CRKL: variants seen among roughly 807,000 people sequenced by gnomAD.
The protein encoded by CRKL is CRK like proto-oncogene, adaptor protein, also known as crk-like protein.
In CRKL, 3 loss-of-function variants were observed where a neutral mutation model predicts 23.0. The observed-to-expected ratio is 0.13, with a 90% CI of 0.06 to 0.34. The LOEUF (loss-of-function observed/expected upper bound fraction) is 0.34. Ranked by LOEUF, CRKL falls within the 10% of genes least tolerant of loss-of-function variation. The probability of loss-of-function intolerance (pLI) is 1.00; values close to 1 mark genes in which losing one functional copy is unlikely to be tolerated. For missense variants in CRKL, 256 were observed against 394.5 expected (o/e 0.65, Z 2.97); for synonymous variants, 188 against 160.7 (o/e 1.17, Z -1.28).
chr22:20,934,761 A>G (rs1921586344), intron 2 of CRKL, among the ~76,000 whole-genome samples: 1 of 150,820 alleles, frequency 6.6e-6, no homozygotes, highest in South Asian at 2.1e-4. Context: ...GTTGAGAAAT[A>G]TGAAAATGTC....
chr22:20,941,355 G>C (rs1239031629), intron 2 of CRKL, among the ~76,000 whole-genome samples: 1 of 151,620 alleles, frequency 6.6e-6, no homozygotes, highest in Non-Finnish European at 1.5e-5. Context: ...TTCTGTCTTT[G>C]ACATTGTGTC....
At chr22:20,943,016 A>G (rs1443256745) in intron 2 of CRKL, among the ~76,000 whole-genome samples, 2 of 151,942 alleles carry the variant, frequency 1.3e-5, no homozygotes, top group Non-Finnish European at 2.9e-5. Flanking sequence ...CCAAAAAAAA[A>G]TTCTTCCACA....
chr22:20,921,898 C>T (rs1395584404), intron 1 of CRKL, among the ~76,000 whole-genome samples: 4 of 150,240 alleles, frequency 2.7e-5, no homozygotes, highest in Admixed American at 2.0e-4. Context: ...TTAGTGGAGA[C>T]GGGGTTTCAC....
intron 2 of CRKL, among the ~76,000 whole-genome samples, chr22:20,945,260 T>A (rs1922017902): frequency 6.6e-6 from 1 of 152,192 alleles, no homozygotes; most frequent in Non-Finnish European, 1.5e-5. Flanking sequence ...CCCAAAGTGC[T>A]GGGATTACAG....
intron 2 of CRKL, among the ~76,000 whole-genome samples, chr22:20,937,685 C>G (rs1168482930): frequency 6.6e-6 from 1 of 151,518 alleles, no homozygotes; most frequent in Non-Finnish European, 1.5e-5. Context: ...TCTCTGGCCC[C>G]AGAGAGAGGT....
At chr22:20,920,616 T>A (rs1213083804) in intron 1 of CRKL, among the ~76,000 whole-genome samples, 1 of 152,194 alleles carries the variant, frequency 6.6e-6, no homozygotes, top group African/African-American at 2.4e-5. Context: ...TGCATGCATC[T>A]TCTTAGAGAA....
intron 1 of CRKL, among the ~76,000 whole-genome samples, chr22:20,926,345 A>G (rs1174717325): frequency 6.6e-6 from 1 of 152,150 alleles, no homozygotes. Context: ...GTGGGGAAAG[A>G]TCTGAAGGAC....
intron 1 of CRKL, among the ~76,000 whole-genome samples, chr22:20,933,226 G>A (rs1242592931): frequency 3.3e-5 from 5 of 151,202 alleles, no homozygotes; most frequent in African/African-American, 1.2e-4. Context: ...AAAAATTAGC[G>A]GGGCGTGGTG....
At chr22:20,936,774 G>T (rs1051055614) in intron 2 of CRKL, among the ~76,000 whole-genome samples, 1 of 152,110 alleles carries the variant, frequency 6.6e-6, no homozygotes, top group Admixed American at 6.6e-5. Context: ...TTGAGGCTGT[G>T]GTGGGGGTCA....
rs990839609 is a variant in CRKL, at chr22:20,952,150, G to A, written c.*2305G>A. The stretch of plus-strand genomic sequence containing the variant: ...TGTGTGCCTTGTTCAAGGAGGGCAC[G>A]ACCCTTAGGCCTTTTTCAACCAGAT... On this transcript the variant is annotated 3_prime_UTR_variant, in exon 3 of 3. Transcript: ENST00000354336. The A allele has an allele frequency of 4.4e-6, 1 of 227,430 alleles. No individual in the cohort carries two copies. The highest frequency in any genetic ancestry group is 2.3e-5 in the African/African-American group (1 of 43,696). 14.1% of individuals were successfully genotyped at this position (227,430 alleles called of 1,614,324 possible).
In CRKL at chr22:20,952,466, C is replaced by G. The variant is rs868039291; in HGVS notation, c.*2621C>G. ...TCTGCACTCCAGATATGTGCCAAAA[C>G]TAGTAAAACTTAACGGACTTACAAC... On this transcript the variant is annotated 3_prime_UTR_variant, in exon 3 of 3. Transcript: ENST00000354336. 7.8e-5 allele frequency: 18 copies of G among 230,746 alleles called. 1 individual carries two copies. The highest frequency in any genetic ancestry group is 2.6e-4 in the African/African-American group (12 of 45,312). The allele number at this position is 230,746 out of a possible 1,614,324, so 14.3% of individuals were successfully genotyped here.
intron 1 of CRKL, among the ~76,000 whole-genome samples, chr22:20,933,294 TG>T (rs1921524212): frequency 6.6e-6 from 1 of 150,956 alleles, no homozygotes; most frequent in Non-Finnish European, 1.5e-5. Context: ...TGCTTGAACT[TG>T]GGATGCAGAG....
intron 2 of CRKL, among the ~76,000 whole-genome samples, chr22:20,939,397 C>T (rs1344423629): frequency 2.9e-5 from 3 of 103,836 alleles, no homozygotes; most frequent in African/African-American, 9.7e-5. Context: ...CCTGCCACCA[C>T]GCCCGGCTAA....
chr22:20,928,833 AAAAAGG>A (rs1428438936), intron 1 of CRKL, among the ~76,000 whole-genome samples: 15 of 148,702 alleles, frequency 1.0e-4, no homozygotes, highest in South Asian at 6.9e-4. Flanking sequence ...AAAAAAAAAA[AAAAAGG>A]AATATTACCA....
At chr22:20,927,127 A>AG in intron 1 of CRKL, among the ~76,000 whole-genome samples, 4 of 140,892 alleles carry the variant, frequency 2.8e-5, no homozygotes, top group African/African-American at 5.3e-5. Context: ...AAAAAAAAAA[A>AG]AAAAAAAAAG....
intron 2 of CRKL, among the ~76,000 whole-genome samples, chr22:20,944,660 C>T (rs1039944330): frequency 5.9e-5 from 9 of 152,184 alleles, no homozygotes; most frequent in Non-Finnish European, 1.2e-4. Context: ...GCCTCGGCCT[C>T]CCAAAGTGCT....
At chr22:20,920,532 T>C (rs1920980706) in intron 1 of CRKL, among the ~76,000 whole-genome samples, 1 of 150,412 alleles carries the variant, frequency 6.6e-6, no homozygotes, top group Non-Finnish European at 1.5e-5. Flanking sequence ...ATGACTTGAG[T>C]CTCCTTCTAG....
intron 2 of CRKL, among the ~76,000 whole-genome samples, chr22:20,940,626 T>TC (rs1402818069): frequency 6.7e-6 from 1 of 149,432 alleles, no homozygotes; most frequent in East Asian, 1.9e-4. Context: ...TTCTTTGAGG[T>TC]CACCAGCATC....
Position 20,917,717 on chromosome 22 carries a change from C to T in CRKL, c.-218C>T. 3.5e-6 allele frequency: 2 copies of T among 579,670 alleles called. No homozygotes were observed. The highest frequency in any genetic ancestry group is 6.0e-6 in the Non-Finnish European group (2 of 331,930). 35.9% of individuals were successfully genotyped at this position (579,670 alleles called of 1,614,324 possible). A position where few individuals can be genotyped will look rare whatever the true frequency, so the allele number is the denominator to read the frequency against. On this transcript the variant is annotated 5_prime_UTR_variant, in exon 1 of 3. Coordinates refer to ENST00000354336, the MANE Select transcript of CRKL (RefSeq NM_005207.4). ...CCCGGCTCTGCCGTGCATTCCCGGGCGGCTCTCTCCGTGTGGCGGCCCCGG... is the reference window on the plus strand; with the variant it reads ...CCCGGCTCTGCCGTGCATTCCCGGGTGGCTCTCTCCGTGTGGCGGCCCCGG...
Sources: gnomAD v4.1 joint callset for allele counts (sites outside exome capture counted in the v4.1 genomes callset) on GRCh38, gnomAD v4.1.1 for gene constraint, MANE v1.5 for transcripts, NCBI Gene and HGNC (gene_info 2026-07-23, HGNC 2026-07-21) for gene names.